Variants in KHDRBS2 observed in about 807,000 individuals in gnomAD.
KHDRBS2 encodes the protein KH domain-containing, RNA-binding, signal transduction-associated protein 2.
KHDRBS2 carries 26 observed loss-of-function variants against 44.3 expected under a neutral mutation model. The ratio of observed to expected loss-of-function variants is 0.59; its 90% CI spans 0.43 to 0.81. KHDRBS2 has a LOEUF of 0.81. KHDRBS2 is among the 40% of genes least tolerant of loss of function. The pLI, the probability that KHDRBS2 is intolerant of heterozygous loss-of-function variation, is 0.00. For missense variants in KHDRBS2, 476 were observed against 433.1 expected (o/e 1.10, Z -0.88); for synonymous variants, 194 against 151.1 (o/e 1.28, Z -2.08).
At chr6:61,614,322 A>G in the KHDRBS2 span, among the ~76,000 whole-genome samples, 1 of 152,210 alleles carries the variant, frequency 6.6e-6, no homozygotes, top group East Asian at 1.9e-4. Flanking sequence ...ATGCTGACTC[A>G]GCTATCAGTT....
chr6:62,259,185 G>A (rs913081324), intron 1 of KHDRBS2, among the ~76,000 whole-genome samples: 14 of 151,934 alleles, frequency 9.2e-5, no homozygotes, highest in African/African-American at 3.4e-4. Context: ...GCCATTGTAA[G>A]AAAACTGGAA....
At chr6:62,067,666 G>C (rs1159858112) in intron 2 of KHDRBS2, among the ~76,000 whole-genome samples, 2 of 151,362 alleles carry the variant, frequency 1.3e-5, no homozygotes, top group African/African-American at 2.4e-5. Flanking sequence ...TACAACCATT[G>C]CCAAAATCTA....
At chr6:62,048,121 TACACACACAC>T (rs58133580) in intron 2 of KHDRBS2, 127 bp from the exon 3 acceptor site, 67 of 405,624 alleles carry the variant, frequency 1.7e-4, no homozygotes, top group Admixed American at 8.6e-4. Flanking sequence ...GCCATAAACA[TACACACACAC>T]ACACACACAC....
chr6:61,882,122 G>A (rs142855055), intron 6 of KHDRBS2, among the ~76,000 whole-genome samples: 4 of 152,106 alleles, frequency 2.6e-5, no homozygotes, highest in African/African-American at 4.8e-5. Context: ...TTCTTAACAT[G>A]TGAGGTGTTC....
At chr6:61,974,412 A>G (rs1459758783) in intron 4 of KHDRBS2, among the ~76,000 whole-genome samples, 1 of 152,140 alleles carries the variant, frequency 6.6e-6, no homozygotes, top group Non-Finnish European at 1.5e-5. Context: ...TAAAGAGAGG[A>G]GTGCATCAAC....
At chr6:62,209,681 C>A (rs966326252) in intron 1 of KHDRBS2, among the ~76,000 whole-genome samples, 3 of 152,108 alleles carry the variant, frequency 2.0e-5, no homozygotes, top group African/African-American at 7.2e-5. Flanking sequence ...GAGAGGCAGA[C>A]CCACCCTCAA....
chr6:61,999,913 T>C (rs1215309548), intron 3 of KHDRBS2, among the ~76,000 whole-genome samples: 1 of 152,172 alleles, frequency 6.6e-6, no homozygotes, highest in Admixed American at 6.6e-5. Flanking sequence ...AGATATCTTA[T>C]GGTGAAAATC....
At chr6:62,277,498 C>T (rs1466556014) in intron 1 of KHDRBS2, among the ~76,000 whole-genome samples, 5 of 151,992 alleles carry the variant, frequency 3.3e-5, no homozygotes, top group Admixed American at 6.6e-5. Flanking sequence ...CCCGCCACCA[C>T]GCCTGGCTAA....
In KHDRBS2 at chr6:61,826,417, C is replaced by T. The variant is rs561246278; in HGVS notation, c.810+68218G>A. Among the ~76,000 whole-genome samples, 6 of 152,212 alleles carry T rather than the reference C, an allele frequency of 3.9e-5. No homozygotes were observed. The East Asian group carries it at 7.7e-4, about 20-fold the overall frequency. On this transcript the variant is annotated intron_variant, in intron 6 of 8. Transcript: ENST00000281156. The stretch of plus-strand genomic sequence containing the variant: ...CTGATGGGCCAAGGTTTGACAGTGG[C>T]TCCTGTCTGATAGCCAGTCTCTCAT...
chr6:62,166,471 T>C (rs1818713295), intron 2 of KHDRBS2, among the ~76,000 whole-genome samples: 2 of 152,048 alleles, frequency 1.3e-5, no homozygotes, highest in Admixed American at 1.3e-4. Context: ...TGGTTTATCT[T>C]AAAAATGAAA....
intron 6 of KHDRBS2, among the ~76,000 whole-genome samples, chr6:61,770,731 G>A (rs1780742806): frequency 6.6e-6 from 1 of 152,218 alleles, no homozygotes; most frequent in Non-Finnish European, 1.5e-5. Flanking sequence ...GAAAGTGACA[G>A]GGAGAATGGA....
At chr6:62,200,489 T>A (rs1369349985) in intron 1 of KHDRBS2, among the ~76,000 whole-genome samples, 5 of 152,112 alleles carry the variant, frequency 3.3e-5, no homozygotes, top group African/African-American at 4.8e-5. Flanking sequence ...GAAAAATGCT[T>A]ATCATCACCG....
intron 1 of KHDRBS2, among the ~76,000 whole-genome samples, chr6:62,275,224 T>C (rs1207380439): frequency 6.6e-6 from 1 of 152,180 alleles, no homozygotes; most frequent in Non-Finnish European, 1.5e-5. Context: ...ACTAGCTTAA[T>C]ACATAACCAT....
At chr6:62,183,448 C>T (rs1206778556) in intron 1 of KHDRBS2, among the ~76,000 whole-genome samples, 1 of 151,468 alleles carries the variant, frequency 6.6e-6, no homozygotes, top group Non-Finnish European at 1.5e-5. Flanking sequence ...GTACCAATTA[C>T]ATAGAACTAT....
chr6:62,174,315 A>C (rs942731759), intron 2 of KHDRBS2, among the ~76,000 whole-genome samples: 1 of 151,706 alleles, frequency 6.6e-6, no homozygotes, highest in African/African-American at 2.4e-5. Flanking sequence ...CACAATGGCC[A>C]TAAAAAAACT....
chr6:61,618,464 T>C, the KHDRBS2 span, among the ~76,000 whole-genome samples: 1 of 152,240 alleles, frequency 6.6e-6, no homozygotes, highest in African/African-American at 2.4e-5. Flanking sequence ...TATTTGTCTA[T>C]TTATTTTAAC....
chr6:62,098,251 T>G (rs1173761120), intron 2 of KHDRBS2, among the ~76,000 whole-genome samples: 6 of 151,922 alleles, frequency 3.9e-5, no homozygotes, highest in African/African-American at 9.6e-5. Flanking sequence ...AACGTTTTTT[T>G]TTTTTTTTTT....
chr6:61,629,434 A>AT, the KHDRBS2 span, among the ~76,000 whole-genome samples: 3 of 152,114 alleles, frequency 2.0e-5, no homozygotes, highest in Non-Finnish European at 4.4e-5. Flanking sequence ...TTAGCATTCA[A>AT]TTTTTTCATT....
At chr6:62,036,279 T>C (rs1785265867) in intron 3 of KHDRBS2, among the ~76,000 whole-genome samples, 1 of 151,938 alleles carries the variant, frequency 6.6e-6, no homozygotes, top group Non-Finnish European at 1.5e-5. Flanking sequence ...CACTCAACTT[T>C]ATAGAGGCCA....
Sources: gnomAD v4.1 joint callset for allele counts (sites outside exome capture counted in the v4.1 genomes callset) on GRCh38, gnomAD v4.1.1 for gene constraint, MANE v1.5 for transcripts, NCBI Gene and HGNC (gene_info 2026-07-23, HGNC 2026-07-21) for gene names.